Variants in CDH12 observed in about 807,000 individuals in gnomAD.
The protein encoded by CDH12 is cadherin-12.
CDH12 carries 41 observed loss-of-function variants against 74.1 expected under a neutral mutation model. The ratio of observed to expected loss-of-function variants is 0.55; its 90% confidence interval spans 0.43 to 0.72. The LOEUF is 0.72. CDH12 is among the 30% of genes least tolerant of loss of function. The pLI is 0.00. For synonymous variants in CDH12, 399 were observed against 355.0 expected (o/e 1.12, Z -1.39); for missense variants, 945 against 977.2 (o/e 0.97, Z 0.44).
At chr5:21,875,760 G>A (rs1751902446) in intron 6 of CDH12, among the ~76,000 whole-genome samples, 1 of 152,122 alleles carries the variant, frequency 6.6e-6, no homozygotes, top group Non-Finnish European at 1.5e-5. Context: ...GCTTTCCCCT[G>A]AGCCTAGTAC....
intron 6 of CDH12, among the ~76,000 whole-genome samples, chr5:21,934,589 T>C (rs1754988412): frequency 6.6e-6 from 1 of 152,180 alleles, no homozygotes; most frequent in Admixed American, 6.5e-5. Flanking sequence ...TCCATACATA[T>C]ATATGCACAC....
At chr5:22,687,343 C>T (rs939337078) in intron 1 of CDH12, among the ~76,000 whole-genome samples, 7 of 151,870 alleles carry the variant, frequency 4.6e-5, no homozygotes, top group Non-Finnish European at 1.0e-4. Context: ...TAATTTTATT[C>T]TTTAACAGAA....
chr5:22,842,615 T>A (rs1173692641), intron 1 of CDH12, among the ~76,000 whole-genome samples: 10 of 152,124 alleles, frequency 6.6e-5, no homozygotes, highest in Non-Finnish European at 1.3e-4. Flanking sequence ...ATCATTAATG[T>A]GGCAAGTTAC....
At chr5:22,466,406 T>C (rs1348404413) in intron 2 of CDH12, among the ~76,000 whole-genome samples, 1 of 152,202 alleles carries the variant, frequency 6.6e-6, no homozygotes, top group Non-Finnish European at 1.5e-5. Flanking sequence ...CCAAAGCTTG[T>C]AAGTCTGAAA....
intron 14 of CDH12, among the ~76,000 whole-genome samples, chr5:21,752,853 T>G (rs1407776153): frequency 1.3e-5 from 2 of 152,096 alleles, no homozygotes; most frequent in South Asian, 4.1e-4. Context: ...TTAAGGACCT[T>G]AGTTTTATAA....
At chr5:22,012,283 CTAATA>C (rs10572250) in intron 5 of CDH12, among the ~76,000 whole-genome samples, 35,289 of 151,296 alleles carry the variant, frequency 0.23, 4,214 homozygotes, top group South Asian at 0.33. Context: ...AACTTTAACT[CTAATA>C]TAATTGTTGT....
chr5:22,407,994 A>G (rs1364995780), intron 2 of CDH12, among the ~76,000 whole-genome samples: 1 of 152,010 alleles, frequency 6.6e-6, no homozygotes, highest in Non-Finnish European at 1.5e-5. Flanking sequence ...TTGGGATGGT[A>G]CATAGTAAGT....
At chr5:22,061,385 C>G (rs1741176991) in intron 5 of CDH12, among the ~76,000 whole-genome samples, 1 of 152,108 alleles carries the variant, frequency 6.6e-6, no homozygotes, top group Admixed American at 6.6e-5. Flanking sequence ...AGGAATGTTT[C>G]TCTCATATAT....
intron 3 of CDH12, among the ~76,000 whole-genome samples, chr5:22,260,258 A>G: frequency 6.6e-6 from 1 of 152,092 alleles, no homozygotes; most frequent in East Asian, 1.9e-4. Flanking sequence ...GTGCACATGC[A>G]CATGTATCAT....
chr5:22,840,816 A>C (rs1224850735), intron 1 of CDH12, among the ~76,000 whole-genome samples: 1 of 152,192 alleles, frequency 6.6e-6, no homozygotes, highest in Non-Finnish European at 1.5e-5. Context: ...TTCATAGAGA[A>C]GGGGGATTCA....
intron 1 of CDH12, among the ~76,000 whole-genome samples, chr5:22,598,674 G>T (rs534158103): frequency 1.3e-5 from 2 of 152,144 alleles, no homozygotes; most frequent in African/African-American, 4.8e-5. Flanking sequence ...TCTACATTCT[G>T]TAAGAATTAT....
intron 1 of CDH12, among the ~76,000 whole-genome samples, chr5:22,778,018 T>C (rs886504707): frequency 6.6e-6 from 1 of 152,112 alleles, no homozygotes; most frequent in African/African-American, 2.4e-5. Flanking sequence ...TTGGCCAGGC[T>C]GGCCTCGAAC....
chr5:22,460,055 A>G (rs1362494597), intron 2 of CDH12, among the ~76,000 whole-genome samples: 1 of 152,192 alleles, frequency 6.6e-6, no homozygotes, highest in African/African-American at 2.4e-5. Flanking sequence ...ATGGCTGCCC[A>G]AATAAGTAAA....
chr5:21,887,305 G>A (rs928871299), intron 6 of CDH12, among the ~76,000 whole-genome samples: 1 of 152,090 alleles, frequency 6.6e-6, no homozygotes, highest in Non-Finnish European at 1.5e-5. Flanking sequence ...TAAACAAGAT[G>A]TTTATGATTC....
At chr5:22,388,721 A>G (rs1258288764) in intron 3 of CDH12, among the ~76,000 whole-genome samples, 7 of 152,340 alleles carry the variant, frequency 4.6e-5, no homozygotes, top group Admixed American at 2.6e-4. Context: ...TATACTGTAT[A>G]TCATCACATA....
chr5:22,594,413 C>T (rs764947650), intron 1 of CDH12, among the ~76,000 whole-genome samples: 21 of 152,138 alleles, frequency 1.4e-4, no homozygotes, highest in African/African-American at 1.9e-4. Context: ...TCCAAAGAGA[C>T]GTACTCATCT....
chr5:22,838,055 T>C (rs1284668819), intron 1 of CDH12, among the ~76,000 whole-genome samples: 4 of 152,136 alleles, frequency 2.6e-5, no homozygotes, highest in Admixed American at 6.5e-5. Context: ...TCCAAGGTCA[T>C]TGTAGGGAGA....
chr5:22,765,124 T>G (rs1417811378), intron 1 of CDH12, among the ~76,000 whole-genome samples: 2 of 151,924 alleles, frequency 1.3e-5, no homozygotes, highest in Non-Finnish European at 2.9e-5. Flanking sequence ...TTAAACAATG[T>G]GCACGTTTCA....
intron 1 of CDH12, among the ~76,000 whole-genome samples, chr5:22,694,079 C>T (rs879335980): frequency 2.6e-5 from 4 of 151,996 alleles, no homozygotes; most frequent in Admixed American, 6.6e-5. Flanking sequence ...AGCTGGACTA[C>T]AGGCACACGC....
Sources: gnomAD v4.1 joint callset for allele counts (sites outside exome capture counted in the v4.1 genomes callset) on GRCh38, gnomAD v4.1.1 for gene constraint, MANE v1.5 for transcripts, NCBI Gene and HGNC (gene_info 2026-07-23, HGNC 2026-07-21) for gene names.